Variants in TRIM9 observed in about 807,000 individuals in gnomAD.
TRIM9 encodes the protein E3 ubiquitin-protein ligase TRIM9.
Under a neutral mutation model 78.3 loss-of-function variants are expected in TRIM9, and 26 were observed. The ratio of observed to expected loss-of-function variants is 0.33; its 90% CI spans 0.24 to 0.46. The LOEUF is 0.46. TRIM9 is among the 20% of genes least tolerant of loss of function. The pLI, the probability that TRIM9 is intolerant of heterozygous loss-of-function variation, is 1.00. For missense variants in TRIM9, 787 were observed against 1,036.4 expected (o/e 0.76, Z 3.30); for synonymous variants, 398 against 416.5 (o/e 0.96, Z 0.54).
chr14:51,043,628 T>C (rs999342018), intron 1 of TRIM9, among the ~76,000 whole-genome samples: 1 of 152,152 alleles, frequency 6.6e-6, no homozygotes, highest in African/African-American at 2.4e-5. Flanking sequence ...AATATTAGGA[T>C]TCATGACCTA....
chr14:51,005,976 C>T (rs951490806), intron 5 of TRIM9, among the ~76,000 whole-genome samples: 14 of 152,208 alleles, frequency 9.2e-5, no homozygotes, highest in African/African-American at 3.1e-4. Flanking sequence ...AGTGAAAATA[C>T]GTAAAAGCCA....
chr14:51,085,851 C>G (rs550926734), intron 1 of TRIM9, among the ~76,000 whole-genome samples: 3 of 152,168 alleles, frequency 2.0e-5, no homozygotes, highest in South Asian at 2.1e-4. Flanking sequence ...CATGGTTGAG[C>G]TGGTAAAATC....
intron 1 of TRIM9, among the ~76,000 whole-genome samples, chr14:51,031,517 T>C (rs886589202): frequency 2.0e-5 from 3 of 152,170 alleles, no homozygotes; most frequent in South Asian, 4.1e-4. Context: ...CCCTTCCTGA[T>C]TTTTGGAATT....
chr14:51,028,195 T>C (rs1017065244), intron 1 of TRIM9, among the ~76,000 whole-genome samples: 1 of 152,226 alleles, frequency 6.6e-6, no homozygotes, highest in African/African-American at 2.4e-5. Context: ...CCTCTTTGTG[T>C]TTATGGTCCG....
chr14:51,001,228 ATT>A (rs34019183), intron 5 of TRIM9, among the ~76,000 whole-genome samples: 7,339 of 130,534 alleles, frequency 0.056, 200 homozygotes, highest in South Asian at 0.15. Flanking sequence ...TGTGCTAATA[ATT>A]TTTTTTTTTT....
chr14:51,008,730 G>C (rs2056174547), intron 5 of TRIM9, among the ~76,000 whole-genome samples: 2 of 152,030 alleles, frequency 1.3e-5, no homozygotes. Flanking sequence ...TTCAATTCTG[G>C]ACTCCCCTGA....
chr14:51,083,486 T>C (rs1180622411), intron 1 of TRIM9, among the ~76,000 whole-genome samples: 1 of 152,106 alleles, frequency 6.6e-6, no homozygotes, highest in Non-Finnish European at 1.5e-5. Context: ...CTCAAACTCC[T>C]TCCGCCTCAG....
intron 1 of TRIM9, among the ~76,000 whole-genome samples, chr14:51,069,625 T>A (rs2062041054): frequency 6.6e-6 from 1 of 152,244 alleles, no homozygotes; most frequent in Non-Finnish European, 1.5e-5. Flanking sequence ...TTGGTGTTTT[T>A]AATTTAAAGC....
chr14:51,045,385 C>T (rs966831068), intron 1 of TRIM9, among the ~76,000 whole-genome samples: 7 of 152,312 alleles, frequency 4.6e-5, no homozygotes, highest in South Asian at 2.1e-4. Flanking sequence ...TTCATTTTAA[C>T]GTAAGATAGA....
intron 7 of TRIM9, 151 bp downstream of exon 7, chr14:50,997,899 C>T (rs2054428882): frequency 6.1e-6 from 9 of 1,470,114 alleles, no homozygotes; most frequent in Middle Eastern, 2.5e-4. Context: ...TCTCTAAAGG[C>T]AGGAGAGGAA....
intron 3 of TRIM9, among the ~76,000 whole-genome samples, chr14:51,010,813 C>G (rs1194449208): frequency 6.6e-6 from 1 of 152,188 alleles, no homozygotes; most frequent in African/African-American, 2.4e-5. Flanking sequence ...TTCTGTGAAG[C>G]TGACTCTGCT....
At chr14:51,018,902 A>G (rs2057479653) in intron 3 of TRIM9, among the ~76,000 whole-genome samples, 1 of 152,262 alleles carries the variant, frequency 6.6e-6, no homozygotes, top group South Asian at 2.1e-4. Context: ...TTACTATTCA[A>G]TGTGTGAATT....
chr14:51,000,751 G>T lies in TRIM9; in HGVS notation c.1396C>A (p.Pro466Thr). ...CCATCGGCGGGCACCGTGGACAGAG[G>T]TGGCTGTTTCCAGGACAACGTAGCG... ...NSATLSWKQP[P>T]LSTVPADGYI... Residue 466 changes from proline (P) to threonine (T), a missense_variant, in exon 6 of 13, where the codon CCT (proline) becomes ACT (threonine). Coordinates refer to ENST00000684578, the MANE Select transcript of TRIM9 (RefSeq NM_001387360.1). 1 of 1,614,234 alleles carries T rather than the reference G, an allele frequency of 6.2e-7. No homozygotes were observed. Among genetic ancestry groups the T allele is most frequent in the Non-Finnish European group, 8.5e-7 (1 of 1,180,034 alleles).
intron 1 of TRIM9, among the ~76,000 whole-genome samples, chr14:51,087,349 A>C (rs1288289914): frequency 6.6e-6 from 1 of 152,172 alleles, no homozygotes; most frequent in Non-Finnish European, 1.5e-5. Flanking sequence ...AGAAGGCAAA[A>C]CCAGGGCCAA....
chr14:50,996,112 C>T (rs1212389109), intron 7 of TRIM9: 3 of 985,276 alleles, frequency 3.0e-6, no homozygotes, highest in African/African-American at 1.7e-5. Flanking sequence ...GAGAAAATTA[C>T]TTCTGTGCAG....
chr14:51,016,057 C>T (rs1390401034), intron 3 of TRIM9, among the ~76,000 whole-genome samples: 2 of 152,130 alleles, frequency 1.3e-5, no homozygotes, highest in African/African-American at 4.8e-5. Flanking sequence ...CCACGATTCC[C>T]TGAGGATGCC....
intron 5 of TRIM9, 40 bp downstream of exon 5, chr14:51,009,040 C>A (rs1387187945): frequency 1.9e-6 from 3 of 1,606,046 alleles, no homozygotes; most frequent in African/African-American, 2.7e-5. Flanking sequence ...AGCATCCACT[C>A]AGGATGTTGC....
At chr14:51,081,082 C>A (rs974553482) in intron 1 of TRIM9, among the ~76,000 whole-genome samples, 18 of 152,214 alleles carry the variant, frequency 1.2e-4, no homozygotes, top group African/African-American at 4.1e-4. Flanking sequence ...AATTGAGAGG[C>A]TCACACCTAT....
At chr14:51,037,585 C>T (rs1021624964) in intron 1 of TRIM9, among the ~76,000 whole-genome samples, 4 of 151,974 alleles carry the variant, frequency 2.6e-5, no homozygotes, top group Middle Eastern at 3.2e-3. Flanking sequence ...AAGTTCTCAA[C>T]ATCCAATAAT....
Sources: gnomAD v4.1 joint callset for allele counts (sites outside exome capture counted in the v4.1 genomes callset) on GRCh38, gnomAD v4.1.1 for gene constraint, MANE v1.5 for transcripts, NCBI Gene and HGNC (gene_info 2026-07-23, HGNC 2026-07-21) for gene names.